Variants in SMTN observed in about 807,000 individuals in gnomAD.
The protein encoded by SMTN is smoothelin.
Under a neutral mutation model 102.0 loss-of-function variants are expected in SMTN, and 58 were observed. The ratio of observed to expected loss-of-function variants is 0.57; its 90% CI spans 0.46 to 0.71. SMTN has a LOEUF of 0.71. Ranked by LOEUF, SMTN falls within the 30% of genes least tolerant of loss-of-function variation. The pLI is 0.00. For missense variants in SMTN, 1,185 were observed against 1,241.7 expected (o/e 0.95, Z 0.69); for synonymous variants, 478 against 497.9 (o/e 0.96, Z 0.53).
In SMTN at chr22:31,091,428, C is replaced by T. The variant is rs747884959; in HGVS notation, c.1405C>T (p.Arg469Cys). 2.4e-5 allele frequency: 37 copies of T among 1,552,142 alleles called. No homozygotes were observed. Among genetic ancestry groups the T allele is most frequent in the Admixed American group, 7.8e-5 (4 of 51,290 alleles). ...TTFTIEIKDG[R>C]GQASTGRVLL... ...ATTCACCATCGAGATCAAGGACGGC[C>T]GTGGCCAGGCCTCCACAGGCCGGGT... The change falls in exon 10 of 21, where the codon CGT becomes TGT. Residue 469 changes from arginine to cysteine, a missense_variant. Physicochemically the swap from Arg to Cys is radical, Grantham distance 180. Around this residue, in one of 2 missense-constraint regions of SMTN, gnomAD observed 1,096 missense variants for 1,112.7 expected, o/e 0.98. Coordinates refer to ENST00000333137, the MANE Select transcript of SMTN (RefSeq NM_134269.3).
chr22:31,069,327 G>C (rs1480587931), intron 1 of SMTN, among the ~76,000 whole-genome samples: 1 of 152,146 alleles, frequency 6.6e-6, no homozygotes, highest in Non-Finnish European at 1.5e-5. Context: ...CTGGGGACTA[G>C]AGCGACCGTT....
At chr22:31,064,496 A>G (rs1044517928) in intron 1 of SMTN, 4 of 152,160 alleles carry the variant, frequency 2.6e-5, no homozygotes. Context: ...AAGATTTCAT[A>G]GGTTTTTTAT....
At position 31,095,093 on chromosome 22, in the gene SMTN, G is replaced by A. The variant is rs1240452029; in HGVS notation, c.1633-210G>A. Among the ~76,000 whole-genome samples, 7 of 152,134 alleles carry A rather than the reference G, an allele frequency of 4.6e-5. No individual in the cohort carries two copies. Among genetic ancestry groups the A allele is most frequent in the Admixed American group, 2.6e-4 (4 of 15,282 alleles). ...ACTATCCATTGTATTAATACAATTC[G>A]GGGTACGTGGGAAGCCCTACAACAA... On this transcript the variant is annotated intron_variant, in intron 11 of 20. Coordinates refer to ENST00000333137, the MANE Select transcript of SMTN (RefSeq NM_134269.3). This position sits in a 1 kb window ranked among gnomAD's most constrained non-coding sequence, Gnocchi z 4.1.
At chr22:31,099,031 G>A in intron 17 of SMTN, 31 bp from the exon 18 acceptor site, 1 of 1,594,920 alleles carries the variant, frequency 6.3e-7, no homozygotes, top group Non-Finnish European at 8.6e-7. Context: ...CCTTATAGTC[G>A]TGTGACCTGG....
In SMTN at chr22:31,091,347, G is replaced by A; in HGVS notation, c.1324G>A (p.Ala442Thr). The change falls in exon 10 of 21, where the codon GCC becomes ACC. Residue 442 changes from alanine (A) to threonine (T), a missense_variant. This residue lies in a region of SMTN where 1,096 missense variants were observed against 1,112.7 expected (regional missense o/e 0.98). Coordinates refer to ENST00000333137, the MANE Select transcript of SMTN (RefSeq NM_134269.3). ...GPVARSEEPG[A>T]PLPVAVGTAE... ...TGTGGCACGTTCAGAGGAGCCTGGT[G>A]CCCCGCTGCCCGTGGCCGTCGGCAC... 6.2e-7 allele frequency: 1 copy of A among 1,606,328 alleles called. No individual in the cohort carries two copies. The highest frequency in any genetic ancestry group is 8.5e-7 in the Non-Finnish European group (1 of 1,178,460).
In SMTN at chr22:31,088,844, C is replaced by A. The variant is rs1241858292; in HGVS notation, c.374-28C>A. The A allele has an allele frequency of 3.1e-6, 5 of 1,612,690 alleles. No homozygotes were observed. In the Admixed American group the frequency reaches 8.3e-5, roughly 27 times the overall value. On this transcript the variant is annotated intron_variant, in intron 5 of 20. Transcript: ENST00000333137. ...CTGTCCACAGCACCTCCCTGTCACT[C>A]ACCTGCCACTTGCTCCTTCCCTTCC...
rs373357361 is a variant in SMTN at position 31,095,132 on chromosome 22, T to C, written c.1633-171T>C. ...GCCCTACAACAAAACTGTCAGTGCC[T>C]CTTCCCTGACTGACGCTGACATGGC... On this transcript the variant is annotated intron_variant, in intron 11 of 20. Transcript: ENST00000333137. This position sits in a 1 kb window ranked among gnomAD's most constrained non-coding sequence, Gnocchi z 4.1. Among the ~76,000 whole-genome samples, 96 of 152,342 alleles carry C rather than the reference T, an allele frequency of 6.3e-4. No individual in the cohort carries two copies. The highest frequency in any genetic ancestry group is 3.4e-3 in the Middle Eastern group (1 of 294).
intron 20 of SMTN, 51 bp from the exon 21 acceptor site, chr22:31,104,265 A>C (rs1420500285): frequency 1.2e-6 from 2 of 1,603,082 alleles, no homozygotes; most frequent in South Asian, 1.1e-5. Context: ...GAGGGGCGCC[A>C]CGAGAGGCGG....
At chr22:31,072,899 C>T (rs1482798370) in intron 1 of SMTN, among the ~76,000 whole-genome samples, 1 of 152,142 alleles carries the variant, frequency 6.6e-6, no homozygotes, top group African/African-American at 2.4e-5. Context: ...GCCGGGACTA[C>T]AGGCGTGCGG....
chr22:31,093,049 A>G (rs776991452), intron 11 of SMTN, among the ~76,000 whole-genome samples: 2 of 152,336 alleles, frequency 1.3e-5, no homozygotes, highest in African/African-American at 2.4e-5. Flanking sequence ...TCTCACAGCT[A>G]ATGTACATGG....
In SMTN at chr22:31,091,277, G is replaced by T. The variant is rs370628451; in HGVS notation, c.1254G>T (p.Gly418=). The stretch of plus-strand genomic sequence containing the variant: ...GCCCCCAGGAGGAGGGCCCCAGGGG[G>T]CGGGGCTTGGCTGCTAGGCCCCTTG... ...RSCPQEEGPR[G]RGLAARPLEN... The change falls in exon 10 of 21, where the codon GGG becomes GGT. Residue 418 remains glycine, a synonymous_variant. Transcript: ENST00000333137. The T allele has an allele frequency of 5.0e-6, 8 of 1,598,498 alleles. No individual in the cohort carries two copies. The highest frequency in any genetic ancestry group is 1.7e-5 in the Admixed American group (1 of 57,168).
chr22:31,092,498 A>G (rs1234041336), intron 11 of SMTN: 6 of 471,216 alleles, frequency 1.3e-5, no homozygotes, highest in South Asian at 4.6e-5. Context: ...CAGCCGGGAA[A>G]GGGATCCCCA....
In SMTN at chr22:31,095,721, C is replaced by A; in HGVS notation, c.1861+112C>A. Reference sequence around the variant, plus strand: ...CCAGCTTAATAACTGCCCTACCCAGCTTCTCCTTCTCTAGACCCAGCAGTT... The same window carrying A: ...CCAGCTTAATAACTGCCCTACCCAGATTCTCCTTCTCTAGACCCAGCAGTT... On this transcript the variant is annotated intron_variant, in intron 13 of 20. Transcript: ENST00000333137. The surrounding 1 kb of genome is among the most constrained non-coding windows in gnomAD (Gnocchi z 4.1). 3 of 886,020 alleles carry A rather than the reference C, an allele frequency of 3.4e-6. No homozygotes were observed. 54.9% of individuals were successfully genotyped at this position (886,020 alleles called of 1,614,324 possible). A position where few individuals can be genotyped will look rare whatever the true frequency, so the allele number is the denominator to read the frequency against.
At position 31,097,045 on chromosome 22, in the gene SMTN, G is replaced by C. The variant is rs139489393; in HGVS notation, c.2074G>C (p.Val692Leu). 3.5e-5 allele frequency: 56 copies of C among 1,614,000 alleles called. No homozygotes were observed. In the South Asian group the frequency reaches 5.9e-4, roughly 17 times the overall value. Residue 692 changes from valine (V) to leucine (L), a missense_variant, in exon 15 of 21, where the codon GTG becomes CTG. This residue lies in a region of SMTN where 1,096 missense variants were observed against 1,112.7 expected (regional missense o/e 0.98). Transcript: ENST00000333137. ...ARTTTVESSFVRRSENGSGST... is the reference protein window; with the variant it reads ...ARTTTVESSFLRRSENGSGST... ...CACCACCACAGTGGAGTCGAGTTTC[G>C]TGAGGCGCTCGGAGAGTAAGGCCAC... is the stretch of plus-strand genomic sequence containing the variant.
In SMTN at chr22:31,074,837, A is replaced by G. The variant is rs190268320; in HGVS notation, c.-385-5613A>G. Among the ~76,000 whole-genome samples, 11 of 152,252 alleles carry G rather than the reference A, an allele frequency of 7.2e-5. No individual in the cohort carries two copies. In the East Asian group the frequency reaches 2.1e-3, roughly 29 times the overall value. On this transcript the variant is annotated intron_variant, in intron 1 of 3. Coordinates refer to the SMTN transcript ENST00000422839. ...AACAACAACAACAACAACAAAACAC[A>G]GGTGCTGGAAGAGAGGAGTCCTAAC...
At chr22:31,089,542 C>T in intron 6 of SMTN, 157 bp from the exon 7 acceptor site, 2 of 666,552 alleles carry the variant, frequency 3.0e-6, no homozygotes, top group Non-Finnish European at 5.2e-6. Context: ...CTTAGCATGC[C>T]AGTGCCAGTG....
chr22:31,093,624 G>T, intron 11 of SMTN: 1 of 767,136 alleles, frequency 1.3e-6, no homozygotes, highest in Non-Finnish European at 2.4e-6. Context: ...AAGAGCTGCG[G>T]GCAGAGAGAG....
At chr22:31,085,133 G>A (rs1343361469) in intron 2 of SMTN, 2 of 1,535,332 alleles carry the variant, frequency 1.3e-6, no homozygotes, top group Non-Finnish European at 1.7e-6. Context: ...CACCCGCCGG[G>A]ACGCCCTCTG....
At chr22:31,094,079 C>T (rs1275085857) in intron 11 of SMTN, among the ~76,000 whole-genome samples, 1 of 152,190 alleles carries the variant, frequency 6.6e-6, no homozygotes, top group Non-Finnish European at 1.5e-5. Context: ...CAGCCCCTGG[C>T]ATGACCCAGG....
Sources: gnomAD v4.1 joint callset for allele counts (sites outside exome capture counted in the v4.1 genomes callset) on GRCh38, gnomAD v4.1.1 for gene constraint, gnomAD v4.1.1 regional missense constraint, Gnocchi (gnomAD v3.1) non-coding constraint, MANE v1.5 for transcripts, NCBI Gene and HGNC (gene_info 2026-07-23, HGNC 2026-07-21) for gene names.